Variants in L3MBTL3 observed in about 807,000 individuals in gnomAD.
L3MBTL3 encodes the protein lethal(3)malignant brain tumor-like protein 3.
In L3MBTL3, 27 loss-of-function variants were observed where a neutral mutation model predicts 102.3. That is an observed-to-expected ratio of 0.26 (90% CI 0.19 to 0.36). L3MBTL3 has a LOEUF of 0.36. Among genes scored for constraint, L3MBTL3 ranks in the 10% least tolerant of loss-of-function variants. L3MBTL3 has a pLI of 1.00. For missense variants in L3MBTL3, 798 were observed against 955.3 expected (o/e 0.84, Z 2.17); for synonymous variants, 340 against 320.9 (o/e 1.06, Z -0.64).
chr6:130,139,429 T>G (rs1316977219), intron 22 of L3MBTL3, among the ~76,000 whole-genome samples, 181 bp from the exon 23 acceptor site: 1 of 152,246 alleles, frequency 6.6e-6, no homozygotes, highest in Admixed American at 6.5e-5. Flanking sequence ...CAGTCCACTT[T>G]GGGATGTGTC....
chr6:130,024,761 G>A (rs1779233199), intron 2 of L3MBTL3, among the ~76,000 whole-genome samples: 1 of 152,070 alleles, frequency 6.6e-6, no homozygotes, highest in Non-Finnish European at 1.5e-5. Flanking sequence ...TAAAAGACGA[G>A]ATCCTTGCTC....
At chr6:130,058,215 C>T (rs1284610445) in intron 9 of L3MBTL3, among the ~76,000 whole-genome samples, 1 of 147,652 alleles carries the variant, frequency 6.8e-6, no homozygotes, top group Non-Finnish European at 1.5e-5. Context: ...AGCAAAACAT[C>T]TAAAAATGGG....
At chr6:130,052,753 C>T in intron 6 of L3MBTL3, 106 bp from the exon 7 acceptor site, 10 of 1,379,750 alleles carry the variant, frequency 7.2e-6, no homozygotes, top group Non-Finnish European at 8.6e-6. Flanking sequence ...AAGATTTTTC[C>T]TTTGCAGGGT....
At chr6:130,057,350 A>T in intron 8 of L3MBTL3, 56 bp from the exon 9 acceptor site, 1 of 1,388,904 alleles carries the variant, frequency 7.2e-7, no homozygotes, top group South Asian at 1.2e-5. Flanking sequence ...TCACAGATGC[A>T]TCACTGCTGG....
chr6:130,042,588 A>T (rs1430529320), intron 2 of L3MBTL3, 97 bp from the exon 3 acceptor site: 9 of 670,980 alleles, frequency 1.3e-5, no homozygotes, highest in Non-Finnish European at 2.3e-5. Context: ...TGATCAAGAA[A>T]ATTATGTAAT....
Position 130,055,260 on chromosome 6 carries a change from G to T in L3MBTL3, c.667+5G>T. ...ATTCGGCTGTACTAAAGCAGGGTGA[G>T]CTGATGAAAATAAAGTCTTACTTGT... On this transcript the variant is annotated splice_donor_5th_base_variant and intron_variant, in intron 8 of 22. Coordinates refer to ENST00000361794, the MANE Select transcript of L3MBTL3 (RefSeq NM_032438.4). The T allele has an allele frequency of 6.2e-7, 1 of 1,605,950 alleles. No homozygotes were observed. The highest frequency in any genetic ancestry group is 1.1e-5 in the South Asian group (1 of 89,546).
intron 10 of L3MBTL3, among the ~76,000 whole-genome samples, chr6:130,061,787 A>G (rs771024801): frequency 1.3e-5 from 2 of 152,180 alleles, no homozygotes; most frequent in East Asian, 1.9e-4. Flanking sequence ...GAATACCATC[A>G]TCTAAGAGGT....
At chr6:130,086,083 T>A in intron 15 of L3MBTL3, 57 bp from the exon 16 acceptor site, 1 of 1,155,258 alleles carries the variant, frequency 8.7e-7, no homozygotes, top group Non-Finnish European at 1.3e-6. Flanking sequence ...CTTTGTAACA[T>A]CAAGTTTACC....
chr6:130,126,081 C>T (rs1786584477), intron 20 of L3MBTL3, among the ~76,000 whole-genome samples: 2 of 151,408 alleles, frequency 1.3e-5, no homozygotes. Flanking sequence ...CCCTCGCTCC[C>T]TCCCTCCCTC....
chr6:130,041,628 C>T (rs958370406), intron 2 of L3MBTL3, among the ~76,000 whole-genome samples: 1 of 152,148 alleles, frequency 6.6e-6, no homozygotes, highest in African/African-American at 2.4e-5. Flanking sequence ...TTCACTGCAG[C>T]TAAAATTAGT....
chr6:130,131,348 G>A (rs1007926594), intron 20 of L3MBTL3, among the ~76,000 whole-genome samples: 1 of 152,196 alleles, frequency 6.6e-6, no homozygotes, highest in African/African-American at 2.4e-5. Flanking sequence ...ACCAAGCATT[G>A]GTGTGGAGGT....
intron 14 of L3MBTL3, among the ~76,000 whole-genome samples, chr6:130,081,083 T>A (rs9398939): frequency 0.48 from 73,140 of 152,188 alleles, 20,109 homozygotes; most frequent in East Asian, 0.65. Context: ...CCGTTCTTTC[T>A]AAACACGCAG....
chr6:130,030,881 T>C (rs146420290), intron 2 of L3MBTL3, among the ~76,000 whole-genome samples: 3 of 11,402 alleles, frequency 2.6e-4, no homozygotes, highest in Non-Finnish European at 5.1e-4. Context: ...AAAAGTAGTT[T>C]GAGGGTCAAA....
chr6:130,099,986 T>C (rs528419569), intron 18 of L3MBTL3, among the ~76,000 whole-genome samples: 34 of 152,152 alleles, frequency 2.2e-4, no homozygotes, highest in Non-Finnish European at 4.3e-4. Flanking sequence ...TCAAGTTCAT[T>C]GTCATGGGTT....
chr6:130,127,629 G>A (rs139151684), intron 20 of L3MBTL3, among the ~76,000 whole-genome samples: 331 of 152,160 alleles, frequency 2.2e-3, no homozygotes, highest in African/African-American at 7.1e-3. Context: ...TTTTTAGAGG[G>A]ATGAAATAAT....
At chr6:130,084,168 C>T (rs1221401212) in intron 15 of L3MBTL3, among the ~76,000 whole-genome samples, 1 of 152,052 alleles carries the variant, frequency 6.6e-6, no homozygotes, top group Non-Finnish European at 1.5e-5. Context: ...AGATCATCTG[C>T]TTTTATTACA....
intron 11 of L3MBTL3, 45 bp from the exon 12 acceptor site, chr6:130,068,285 A>G: frequency 9.6e-7 from 1 of 1,039,212 alleles, no homozygotes; most frequent in Admixed American, 1.9e-5. Flanking sequence ...TAAGTGTAAA[A>G]TATTGTGGTA....
At chr6:130,107,315 A>T (rs539627402) in intron 19 of L3MBTL3, among the ~76,000 whole-genome samples, 2 of 152,346 alleles carry the variant, frequency 1.3e-5, no homozygotes, top group African/African-American at 4.8e-5. Context: ...CTATTTATTT[A>T]GAGTTTTATA....
rs1781570429 is a variant in L3MBTL3, at chr6:130,057,323, G to A, written c.668-83G>A. 2.9e-6 allele frequency: 3 copies of A among 1,023,862 alleles called. No individual in the cohort carries two copies. In the South Asian group the frequency reaches 4.1e-5, roughly 14 times the overall value. The allele number at this position is 1,023,862 out of a possible 1,614,324, so 63.4% of individuals were successfully genotyped here. On this transcript the variant is annotated intron_variant, in intron 8 of 22. Transcript: ENST00000361794. ...CAGAGAAGAGCCAGGCAGCGTATCA[G>A]TCAGGGACGTGTGAGTTCACAGATG... is the stretch of plus-strand genomic sequence containing the variant.
Sources: gnomAD v4.1 joint callset for allele counts (sites outside exome capture counted in the v4.1 genomes callset) on GRCh38, gnomAD v4.1.1 for gene constraint, MANE v1.5 for transcripts, NCBI Gene and HGNC (gene_info 2026-07-23, HGNC 2026-07-21) for gene names.